PRKN: variants seen among roughly 807,000 people sequenced by gnomAD.
PRKN encodes the protein E3 ubiquitin-protein ligase parkin.
Under a neutral mutation model 59.5 loss-of-function variants are expected in PRKN, and 56 were observed. The ratio of observed to expected loss-of-function variants is 0.94; its 90% CI spans 0.76 to 1.18. The LOEUF (loss-of-function observed/expected upper bound fraction) is 1.18. Ranked by LOEUF, PRKN falls within the 50% of genes most tolerant of loss-of-function variation. The pLI, the probability that PRKN is intolerant of heterozygous loss-of-function variation, is 0.00. For missense variants in PRKN, 657 were observed against 596.4 expected (o/e 1.10, Z -1.06); for synonymous variants, 250 against 222.1 (o/e 1.13, Z -1.12).
intron 1 of PRKN, among the ~76,000 whole-genome samples, chr6:162,585,521 C>T (rs1781007391): frequency 6.6e-6 from 1 of 152,156 alleles, no homozygotes; most frequent in African/African-American, 2.4e-5. Flanking sequence ...TGTTTACAAA[C>T]ATTCTTCAAA....
chr6:162,523,875 CA>C (rs111382869), intron 1 of PRKN, among the ~76,000 whole-genome samples: 3,121 of 151,724 alleles, frequency 0.021, 112 homozygotes, highest in African/African-American at 0.07. Flanking sequence ...GTTTAAAAAA[CA>C]AAAAATTATG....
intron 1 of PRKN, among the ~76,000 whole-genome samples, chr6:162,628,362 T>C (rs542205082): frequency 6.6e-6 from 1 of 152,218 alleles, no homozygotes; most frequent in East Asian, 1.9e-4. Flanking sequence ...ACCTCGGAGA[T>C]GAAGAAAGGA....
In PRKN at chr6:161,417,860, G is replaced by C. The variant is rs755259073; in HGVS notation, c.1084-30983C>G. ...CAGGGCCCTAGGCAAAGCTGAGCTGGGGGAATGTAGACAGACCTCCTACTT... is the reference window on the plus strand; with the variant it reads ...CAGGGCCCTAGGCAAAGCTGAGCTGCGGGAATGTAGACAGACCTCCTACTT... On this transcript the variant is annotated intron_variant, in intron 9 of 11. Coordinates refer to ENST00000366898, the MANE Select transcript of PRKN (RefSeq NM_004562.3). The surrounding 1 kb of genome is among the most constrained non-coding windows in gnomAD (Gnocchi z 5.4). Among the ~76,000 whole-genome samples the C allele has an allele frequency of 2.6e-5, 4 of 152,202 alleles. No individual in the cohort carries two copies. Among genetic ancestry groups the C allele is most frequent in the Non-Finnish European group, 5.9e-5 (4 of 68,054 alleles).
intron 6 of PRKN, among the ~76,000 whole-genome samples, chr6:161,907,219 A>T (rs1023002545): frequency 6.6e-6 from 1 of 152,140 alleles, no homozygotes; most frequent in Non-Finnish European, 1.5e-5. Flanking sequence ...TTTGGAGAAC[A>T]TTATTTCATG....
At position 161,428,587 on chromosome 6, in the gene PRKN, C is replaced by T. The variant is rs369775593; in HGVS notation, c.1084-41710G>A. 1.2e-3 allele frequency among the ~76,000 whole-genome samples: 178 copies of T among 152,272 alleles called. 1 individual carries two copies. The highest frequency in any genetic ancestry group is 4.0e-3 in the African/African-American group (165 of 41,548). ...ATTGTGGCTGCCTTTGATTGTTTGG[C>T]GGTTTGCTGTGTTCTCTGAGTGTTT... On this transcript the variant is annotated intron_variant, in intron 9 of 11. Coordinates refer to ENST00000366898, the MANE Select transcript of PRKN (RefSeq NM_004562.3). This position sits in a 1 kb window ranked among gnomAD's most constrained non-coding sequence, Gnocchi z 4.0.
At chr6:162,447,564 C>A (rs1790379351) in intron 1 of PRKN, among the ~76,000 whole-genome samples, 1 of 151,968 alleles carries the variant, frequency 6.6e-6, no homozygotes, top group East Asian at 1.9e-4. Flanking sequence ...TTATGATATC[C>A]CTAACCAGGG....
intron 6 of PRKN, among the ~76,000 whole-genome samples, chr6:161,898,916 G>A (rs1479168534): frequency 6.6e-6 from 1 of 152,210 alleles, no homozygotes; most frequent in Non-Finnish European, 1.5e-5. Flanking sequence ...AAAAGGCCCG[G>A]AACGCTTATA....
At position 161,552,407 on chromosome 6, in the gene PRKN, A is replaced by C; in HGVS notation, c.934-3404T>G. 3.0e-5 allele frequency among the ~76,000 whole-genome samples: 2 copies of C among 67,750 alleles called. 1 individual carries two copies. The highest frequency in any genetic ancestry group is 9.2e-5 in the African/African-American group (2 of 21,664). The allele number at this position is 67,750 out of a possible 152,430, so 44.4% of individuals were successfully genotyped here. On this transcript the variant is annotated intron_variant, in intron 8 of 11. Coordinates refer to ENST00000366898, the MANE Select transcript of PRKN (RefSeq NM_004562.3). This position sits in a 1 kb window ranked among gnomAD's most constrained non-coding sequence, Gnocchi z 4.9. Reference sequence around the variant, plus strand: ...CTGTTCACCTCCACCTATGACTGTGAATGATCTCACGGTGATCCTCCAAGC... The same window carrying C: ...CTGTTCACCTCCACCTATGACTGTGCATGATCTCACGGTGATCCTCCAAGC...
intron 9 of PRKN, among the ~76,000 whole-genome samples, chr6:161,516,496 A>AAAAAAAAAAAG (rs1562498840): frequency 1.1e-5 from 1 of 90,288 alleles, no homozygotes; most frequent in Non-Finnish European, 2.1e-5. Flanking sequence ...AAAAAAAAGA[A>AAAAAAAAAAAG]GAAGAAGAAA....
chr6:162,300,678 A>T (rs534030142), intron 2 of PRKN, among the ~76,000 whole-genome samples: 1 of 152,244 alleles, frequency 6.6e-6, no homozygotes, highest in Non-Finnish European at 1.5e-5. Flanking sequence ...CTCAAGAAAG[A>T]GTCAAGAGCC....
chr6:162,467,014 A>T (rs899022095), intron 1 of PRKN, among the ~76,000 whole-genome samples: 1 of 152,192 alleles, frequency 6.6e-6, no homozygotes, highest in African/African-American at 2.4e-5. Context: ...GTTAGGAAAA[A>T]TACACTGAGC....
chr6:161,579,905 T>C lies in PRKN; in HGVS notation c.872-10489A>G, dbSNP rs531323841. On this transcript the variant is annotated intron_variant, in intron 7 of 11. Coordinates refer to ENST00000366898, the MANE Select transcript of PRKN (RefSeq NM_004562.3). This position sits in a 1 kb window ranked among gnomAD's most constrained non-coding sequence, Gnocchi z 4.2. ...CATCTTAGCGTAGGCATAACTGCAT[T>C]CATTACTGAAAGGCATCTTTCAAAT... 5.9e-5 allele frequency among the ~76,000 whole-genome samples: 9 copies of C among 152,334 alleles called. No individual in the cohort carries two copies. Among genetic ancestry groups the C allele is most frequent in the African/African-American group, 2.2e-4 (9 of 41,568 alleles).
intron 6 of PRKN, among the ~76,000 whole-genome samples, chr6:161,921,562 G>A (rs1185669161): frequency 6.6e-6 from 1 of 152,132 alleles, no homozygotes; most frequent in African/African-American, 2.4e-5. Context: ...AATGCCTTGA[G>A]CTACTACATT....
At chr6:161,358,691 G>A (rs1415157912) in intron 11 of PRKN, among the ~76,000 whole-genome samples, 1 of 151,722 alleles carries the variant, frequency 6.6e-6, no homozygotes, top group African/African-American at 2.4e-5. Flanking sequence ...TCCTGGGAAG[G>A]GCCCTTCCGT....
intron 7 of PRKN, among the ~76,000 whole-genome samples, chr6:161,736,283 T>A (rs1787960343): frequency 6.6e-6 from 1 of 152,238 alleles, no homozygotes; most frequent in Admixed American, 6.5e-5. Context: ...CCTGTCCTGC[T>A]TGCAGCTGTT....
intron 9 of PRKN, among the ~76,000 whole-genome samples, chr6:161,491,767 A>C (rs1277501899): frequency 6.6e-6 from 1 of 152,080 alleles, no homozygotes; most frequent in East Asian, 1.9e-4. Flanking sequence ...AGTAGCTGGG[A>C]TTACAGGTGC....
At chr6:162,706,346 G>C (rs763157197) in intron 1 of PRKN, among the ~76,000 whole-genome samples, 1 of 152,190 alleles carries the variant, frequency 6.6e-6, no homozygotes, top group Non-Finnish European at 1.5e-5. Context: ...AGGAGTTCTG[G>C]TCTGTGAAAA....
intron 4 of PRKN, among the ~76,000 whole-genome samples, chr6:162,064,287 G>T (rs913202738): frequency 1.2e-4 from 18 of 152,192 alleles, no homozygotes; most frequent in African/African-American, 4.3e-4. Context: ...AAAGAGATAA[G>T]GGAACTTTCT....
chr6:162,230,587 C>A (rs1778379358), intron 3 of PRKN, among the ~76,000 whole-genome samples: 2 of 152,218 alleles, frequency 1.3e-5, no homozygotes, highest in South Asian at 4.1e-4. Context: ...TAGGACTGAT[C>A]TACTGACTTC....
Sources: gnomAD v4.1 joint callset for allele counts (sites outside exome capture counted in the v4.1 genomes callset) on GRCh38, gnomAD v4.1.1 for gene constraint, Gnocchi (gnomAD v3.1) non-coding constraint, MANE v1.5 for transcripts, NCBI Gene and HGNC (gene_info 2026-07-23, HGNC 2026-07-21) for gene names.